Variants in IL1RAPL1 observed in about 807,000 individuals in gnomAD.
IL1RAPL1 encodes interleukin-1 receptor accessory protein-like 1.
IL1RAPL1 carries 3 observed loss-of-function variants against 48.4 expected under a neutral mutation model. The observed-to-expected ratio is 0.06, with a 90% CI of 0.03 to 0.16. The LOEUF is 0.16. Among genes scored for constraint, IL1RAPL1 ranks in the 10% least tolerant of loss-of-function variants. IL1RAPL1 has a pLI of 1.00. For synonymous variants in IL1RAPL1, 185 were observed against 187.7 expected, an observed-to-expected ratio of 0.99 and a Z score of 0.12; for missense variants, 349 against 530.6, an observed-to-expected ratio of 0.66 and a Z score of 3.36.
intron 2 of IL1RAPL1, among the ~76,000 whole-genome samples, chrX:29,112,613 C>T (rs940682527): frequency 2.7e-5 from 3 of 109,501 alleles, no homozygotes; most frequent in Middle Eastern, 4.8e-3. Context: ...AATAAATATT[C>T]GCCAAATGTC....
At chrX:28,591,962 A>C (rs1021782015) in intron 1 of IL1RAPL1, among the ~76,000 whole-genome samples, 1 of 111,947 alleles carries the variant, frequency 8.9e-6, no homozygotes, top group African/African-American at 3.2e-5. Context: ...GATTCCCTTA[A>C]GTCTTATTAA....
intron 6 of IL1RAPL1, among the ~76,000 whole-genome samples, chrX:29,696,526 A>T (rs2147113508): frequency 8.9e-6 from 1 of 111,927 alleles, no homozygotes; most frequent in East Asian, 2.8e-4. Flanking sequence ...GAATAAATGC[A>T]ATTTGATCAG....
chrX:29,568,465 A>G (rs1308956417), intron 5 of IL1RAPL1, among the ~76,000 whole-genome samples: 1 of 110,781 alleles, frequency 9.0e-6, no homozygotes, highest in Non-Finnish European at 1.9e-5. Context: ...CCAATTGTGT[A>G]CACAGGAGCT....
intron 2 of IL1RAPL1, among the ~76,000 whole-genome samples, chrX:28,998,324 A>G: frequency 9.0e-6 from 1 of 111,396 alleles, no homozygotes. Flanking sequence ...CAATTCTCAG[A>G]TTCAAAAGGA....
At chrX:28,875,522 T>C (rs1188715912) in intron 2 of IL1RAPL1, among the ~76,000 whole-genome samples, 1 of 111,912 alleles carries the variant, frequency 8.9e-6, no homozygotes. Flanking sequence ...ATGGAGTTGC[T>C]GGCTGATATG....
At position 29,439,851 on chromosome X, in the gene IL1RAPL1, G is replaced by GTTTTT. The variant is rs760458968; in HGVS notation, c.703+40559_703+40563dup. Reference sequence around the variant, plus strand: ...CCAGGCTGTATTATTTGTTTGTTTGGTTTTTTTTTTTTTTTTTTTTGGTTT... The same window carrying GTTTTT: ...CCAGGCTGTATTATTTGTTTGTTTGGTTTTTTTTTTTTTTTTTTTTTTTTTGGTTT... On this transcript the variant is annotated intron_variant, in intron 5 of 10. Coordinates refer to ENST00000378993, the MANE Select transcript of IL1RAPL1 (RefSeq NM_014271.4). 1.1e-3 allele frequency among the ~76,000 whole-genome samples: 65 copies of GTTTTT among 59,853 alleles called. 7 individuals carry two copies. Among genetic ancestry groups the GTTTTT allele is most frequent in the African/African-American group, 3.4e-3 (48 of 14,014 alleles). The allele number at this position is 59,853 out of a possible 115,157, so 52.0% of individuals were successfully genotyped here. A position where few individuals can be genotyped will look rare whatever the true frequency, so the allele number is the denominator to read the frequency against.
chrX:28,970,719 T>A (rs758826416), intron 2 of IL1RAPL1, among the ~76,000 whole-genome samples: 39 of 111,801 alleles, frequency 3.5e-4, no homozygotes, highest in African/African-American at 1.2e-3. Context: ...TTATCCTTTT[T>A]AAAAAAACTA....
rs1301527756 is a variant in IL1RAPL1, at chrX:29,421,895, G to A, written c.703+22587G>A. Among the ~76,000 whole-genome samples the A allele has an allele frequency of 6.3e-5, 7 of 111,847 alleles. No individual in the cohort carries two copies. The East Asian group carries it at 2.0e-3, about 31-fold the overall frequency. On this transcript the variant is annotated intron_variant, in intron 5 of 10. Coordinates refer to ENST00000378993, the MANE Select transcript of IL1RAPL1 (RefSeq NM_014271.4). The stretch of plus-strand genomic sequence containing the variant: ...TTAATTCTTACTTGTATGTTTGGGA[G>A]GCAAGGTAAAGACTTCGCCTTCACC...
At chrX:29,267,531 A>T (rs1330516076) in intron 2 of IL1RAPL1, among the ~76,000 whole-genome samples, 1 of 111,649 alleles carries the variant, frequency 9.0e-6, no homozygotes, top group Non-Finnish European at 1.9e-5. Context: ...ACATCCCCAC[A>T]CATGAGAACT....
At chrX:28,992,384 G>A (rs1373534056) in intron 2 of IL1RAPL1, among the ~76,000 whole-genome samples, 1 of 108,202 alleles carries the variant, frequency 9.2e-6, no homozygotes, top group African/African-American at 3.4e-5. Flanking sequence ...CAGCTACTTG[G>A]GATGCTGAGG....
intron 5 of IL1RAPL1, among the ~76,000 whole-genome samples, chrX:29,529,017 T>C (rs997776413): frequency 1.8e-5 from 2 of 110,968 alleles, no homozygotes; most frequent in Non-Finnish European, 1.9e-5. Flanking sequence ...ACTGATACAG[T>C]ATTCCCACCC....
intron 1 of IL1RAPL1, among the ~76,000 whole-genome samples, chrX:28,718,703 A>G (rs1935533880): frequency 1.8e-5 from 2 of 112,165 alleles, no homozygotes; most frequent in East Asian, 5.6e-4. Flanking sequence ...TACAAATATT[A>G]CAAATGTAAC....
chrX:28,796,768 G>A (rs942899508), intron 2 of IL1RAPL1, among the ~76,000 whole-genome samples: 5 of 111,263 alleles, frequency 4.5e-5, no homozygotes, highest in African/African-American at 3.3e-5. Flanking sequence ...CCATTCTGGA[G>A]TCTTGAGGAT....
intron 6 of IL1RAPL1, among the ~76,000 whole-genome samples, chrX:29,816,970 A>ATG (rs201069106): frequency 6.7e-4 from 72 of 107,611 alleles, no homozygotes; most frequent in African/African-American, 2.3e-3. Flanking sequence ...CCTCTACTTT[A>ATG]TGTGTGTGTA....
At chrX:29,362,816 A>G (rs1376263180) in intron 3 of IL1RAPL1, among the ~76,000 whole-genome samples, 1 of 112,281 alleles carries the variant, frequency 8.9e-6, no homozygotes, top group Non-Finnish European at 1.9e-5. Flanking sequence ...CAGATAGACT[A>G]TATTGTGTTA....
In IL1RAPL1 at chrX:29,443,359, C is replaced by T. The variant is rs761707564; in HGVS notation, c.703+44051C>T. Among the ~76,000 whole-genome samples, 13 of 110,661 alleles carry T rather than the reference C, an allele frequency of 1.2e-4. No homozygotes were observed. In the South Asian group the frequency reaches 3.9e-3, roughly 33 times the overall value. The stretch of plus-strand genomic sequence containing the variant: ...ACTCAGTAGTTTTTTCTTCTTGTCT[C>T]TATATAACTCTTTTACAAAACTTTT... On this transcript the variant is annotated intron_variant, in intron 5 of 10. Coordinates refer to ENST00000378993, the MANE Select transcript of IL1RAPL1 (RefSeq NM_014271.4).
chrX:28,747,775 A>C (rs971649354), intron 1 of IL1RAPL1, among the ~76,000 whole-genome samples: 38 of 112,007 alleles, frequency 3.4e-4, no homozygotes, highest in Middle Eastern at 4.2e-3. Flanking sequence ...TATTTCCATA[A>C]CTATGTGTTC....
intron 2 of IL1RAPL1, among the ~76,000 whole-genome samples, chrX:29,243,750 C>A (rs1437351718): frequency 1.8e-5 from 2 of 111,704 alleles, no homozygotes; most frequent in East Asian, 5.6e-4. Context: ...TCCACTCTAC[C>A]TAGGATCTGG....
chrX:28,915,544 T>C (rs1284750420), intron 2 of IL1RAPL1, among the ~76,000 whole-genome samples: 1 of 111,791 alleles, frequency 8.9e-6, no homozygotes, highest in Non-Finnish European at 1.9e-5. Flanking sequence ...ATGTATGGGT[T>C]ATTTACTATT....
Sources: gnomAD v4.1 joint callset for allele counts (sites outside exome capture counted in the v4.1 genomes callset) on GRCh38, gnomAD v4.1.1 for gene constraint, MANE v1.5 for transcripts, NCBI Gene and HGNC (gene_info 2026-07-23, HGNC 2026-07-21) for gene names.